SPTB: variants seen among roughly 807,000 people sequenced by gnomAD.
SPTB encodes the protein spectrin beta chain, erythrocytic.
A neutral mutation model predicts 256.2 loss-of-function variants in SPTB; 45 were observed. The observed-to-expected ratio is 0.18, with a 90% CI of 0.14 to 0.23. The LOEUF (loss-of-function observed/expected upper bound fraction) is 0.23, where lower values mean the gene tolerates loss of function less well. Ranked by LOEUF, SPTB falls within the 10% of genes least tolerant of loss-of-function variation. SPTB has a pLI of 1.00. For missense variants in SPTB, 2,715 were observed against 3,040.4 expected (o/e 0.89, Z 2.52); for synonymous variants, 1,231 against 1,243.1 (o/e 0.99, Z 0.21).
intron 20 of SPTB, 124 bp from the exon 21 acceptor site, chr14:64,780,055 G>A: frequency 2.4e-6 from 2 of 827,374 alleles, no homozygotes; most frequent in Non-Finnish European, 4.1e-6. Flanking sequence ...CCTCCAAGGA[G>A]TCTCCTTGGA....
chr14:64,749,384 A>C lies in SPTB; in HGVS notation c.6909T>G (p.Pro2303=). 6.2e-7 allele frequency: 1 copy of C among 1,609,902 alleles called. No individual in the cohort carries two copies. Among genetic ancestry groups the C allele is most frequent in the Non-Finnish European group, 8.5e-7 (1 of 1,179,756 alleles). ...GGCTGGCGTCGGGGCCGGAGAGGGA[A>C]GGCAGGGGCAGGCTCTGCGCCTTGA... ...IRVKAQSLPL[P]SLSGPDASLG... is the part of the protein sequence containing the mutation. The change falls in exon 36 of 36, where the codon CCT becomes CCG. Residue 2303 remains proline (P), a synonymous_variant. Transcript: ENST00000644917. This position sits in a 1 kb window ranked among gnomAD's most constrained non-coding sequence, Gnocchi z 4.7.
intron 1 of SPTB, among the ~76,000 whole-genome samples, chr14:64,839,231 G>T (rs573668527): frequency 6.6e-6 from 1 of 152,220 alleles, no homozygotes; most frequent in African/African-American, 2.4e-5. Flanking sequence ...CTTACAAAAC[G>T]GACTACTACT....
At chr14:64,839,333 G>T (rs1014227300) in intron 1 of SPTB, among the ~76,000 whole-genome samples, 1 of 152,164 alleles carries the variant, frequency 6.6e-6, no homozygotes, top group East Asian at 1.9e-4. Flanking sequence ...TCAACAGGCT[G>T]CTCACTGTCT....
In SPTB at chr14:64,775,388, T is replaced by G; in HGVS notation, c.4579A>C (p.Ile1527Leu). The G allele has an allele frequency of 6.2e-7, 1 of 1,612,374 alleles. No homozygotes were observed. Residue 1527 changes from isoleucine (I) to leucine (L), a missense_variant, in exon 23 of 36, where the codon ATT (isoleucine) becomes CTT (leucine). Ile to Leu is a conservative substitution (Grantham distance 5). Coordinates refer to ENST00000644917, the MANE Select transcript of SPTB (RefSeq NM_001355436.2). The surrounding 1 kb of genome is among the most constrained non-coding windows in gnomAD (Gnocchi z 5.0). ...TCAACCCGCGGCGTATGGCCCAGAA[T>G]CTCATTCTGCAGTGTCTGCGGCCAG... ...MKKNQTLQNEILGHTPRVEDV... is the reference protein window; with the variant it reads ...MKKNQTLQNELLGHTPRVEDV...
chr14:64,812,944 C>G lies in SPTB; in HGVS notation c.149-7854G>C, dbSNP rs143091623. ...AATAGAAAATAGCAACTTAAATAAT[C>G]AAAAACAAGGGATGATTTAATATTT... On this transcript the variant is annotated intron_variant, in intron 2 of 35. Transcript: ENST00000644917. Among the ~76,000 whole-genome samples the G allele has an allele frequency of 4.7e-4, 71 of 152,156 alleles. No individual in the cohort carries two copies. The East Asian group carries it at 0.013, about 28-fold the overall frequency.
intron 1 of SPTB, among the ~76,000 whole-genome samples, chr14:64,832,115 T>C (rs549281146): frequency 6.6e-6 from 1 of 152,128 alleles, no homozygotes; most frequent in Non-Finnish European, 1.5e-5. Flanking sequence ...GAGATAAACA[T>C]AGATACAGTG....
chr14:64,808,423 C>T (rs2083025758), intron 2 of SPTB, among the ~76,000 whole-genome samples: 2 of 152,116 alleles, frequency 1.3e-5, no homozygotes, highest in South Asian at 4.1e-4. Flanking sequence ...CAGCTCTGAC[C>T]CAGAATTATT....
rs199738112 is a variant in SPTB, at chr14:64,803,799, C to T, written c.301-19G>A. On this transcript the variant is annotated intron_variant, in intron 3 of 35. Transcript: ENST00000644917. ...GCTTTGGCTGGGGGACAGCAGTGGC[C>T]CCCGTGGGCATGGAGGGACTGCACA... The T allele has an allele frequency of 4.0e-5, 63 of 1,593,834 alleles. No homozygotes were observed. In the East Asian group the frequency reaches 6.4e-4, roughly 16 times the overall value.
At chr14:64,872,427 C>T (rs1037717521) in intron 1 of SPTB, among the ~76,000 whole-genome samples, 3 of 152,154 alleles carry the variant, frequency 2.0e-5, no homozygotes, top group African/African-American at 4.8e-5. Context: ...TCCTTAGGGC[C>T]GCCAGAAAGA....
At chr14:64,767,587 C>A in intron 30 of SPTB, 76 bp downstream of exon 30, 2 of 1,571,056 alleles carry the variant, frequency 1.3e-6, no homozygotes, top group South Asian at 1.1e-5. Context: ...TAACAACTGG[C>A]CTGGAGTCCT....
At chr14:64,794,441 A>T (rs1360520493) in intron 13 of SPTB, 26 bp downstream of exon 13, 1 of 1,614,016 alleles carries the variant, frequency 6.2e-7, no homozygotes, top group Admixed American at 1.7e-5. Context: ...TGGAAGCCTC[A>T]AAAGGGGAGA....
At chr14:64,829,498 A>G (rs554519630) in intron 1 of SPTB, among the ~76,000 whole-genome samples, 2 of 152,292 alleles carry the variant, frequency 1.3e-5, no homozygotes, top group East Asian at 1.9e-4. Flanking sequence ...GAATTAGTCA[A>G]TTGTGTTAGA....
intron 1 of SPTB, among the ~76,000 whole-genome samples, chr14:64,872,574 T>G (rs923459366): frequency 6.6e-6 from 1 of 152,226 alleles, no homozygotes; most frequent in Non-Finnish European, 1.5e-5. Flanking sequence ...GCACTGTGGT[T>G]AGCTCTCCCC....
At position 64,852,382 on chromosome 14, in the gene SPTB, G is replaced by A. The variant is rs1594844026; in HGVS notation, c.-52+27410C>T. 6.6e-6 allele frequency among the ~76,000 whole-genome samples: 1 copy of A among 152,200 alleles called. No homozygotes were observed. Among genetic ancestry groups the A allele is most frequent in the South Asian group, 2.1e-4 (1 of 4,830 alleles). ...AGAGATAAGGCTGGGGGCCAGACAAGGGGAACCTGAGCAGTGGGGAGTCAG... is the reference window on the plus strand; with the variant it reads ...AGAGATAAGGCTGGGGGCCAGACAAAGGGAACCTGAGCAGTGGGGAGTCAG... On this transcript the variant is annotated intron_variant, in intron 1 of 35. Transcript: ENST00000644917. The surrounding 1 kb of genome is among the most constrained non-coding windows in gnomAD (Gnocchi z 4.2).
Position 64,829,819 on chromosome 14 carries a change from T to C in SPTB, c.-51-6674A>G, listed in dbSNP as rs114710884. 6.0e-3 allele frequency among the ~76,000 whole-genome samples: 911 copies of C among 152,278 alleles called. 6 individuals are homozygous for C. Among genetic ancestry groups the C allele is most frequent in the African/African-American group, 0.021 (870 of 41,536 alleles). Reference sequence around the variant, plus strand: ...TAGAATAAAAGTCAACCCCTTCCCATGGTCCTAAGGCCCTTCCCATTTTCT... The same window carrying C: ...TAGAATAAAAGTCAACCCCTTCCCACGGTCCTAAGGCCCTTCCCATTTTCT... On this transcript the variant is annotated intron_variant, in intron 1 of 35. Transcript: ENST00000644917.
In SPTB at chr14:64,827,476, T is replaced by G. The variant is rs2083392312; in HGVS notation, c.-51-4331A>C. Among the ~76,000 whole-genome samples the G allele has an allele frequency of 6.6e-6, 1 of 152,202 alleles. No homozygotes were observed. Among genetic ancestry groups the G allele is most frequent in the African/African-American group, 2.4e-5 (1 of 41,442 alleles). The stretch of plus-strand genomic sequence containing the variant: ...TTTTCTAGTTTGTCCTGCCCCTTTA[T>G]GCTACCTCAAACCTGCTTTTAACAA... On this transcript the variant is annotated intron_variant, in intron 1 of 35. Transcript: ENST00000644917. The surrounding 1 kb of genome is among the most constrained non-coding windows in gnomAD (Gnocchi z 4.6).
Position 64,778,266 on chromosome 14 carries a change from C to T in SPTB, c.4563+891G>A, listed in dbSNP as rs958408500. Among the ~76,000 whole-genome samples, 2 of 152,206 alleles carry T rather than the reference C, an allele frequency of 1.3e-5. No homozygotes were observed. Among genetic ancestry groups the T allele is most frequent in the African/African-American group, 4.8e-5 (2 of 41,454 alleles). ...CTCACATGGTCCTGTGAGCAGATGT[C>T]AGCTGCTGCCAAGCTGGGGGAAGGG... On this transcript the variant is annotated intron_variant, in intron 22 of 35. Coordinates refer to ENST00000644917, the MANE Select transcript of SPTB (RefSeq NM_001355436.2). This position sits in a 1 kb window ranked among gnomAD's most constrained non-coding sequence, Gnocchi z 5.2.
rs545824675 is a variant in SPTB at position 64,869,262 on chromosome 14, A to G, written c.-52+10530T>C. Among the ~76,000 whole-genome samples the G allele has an allele frequency of 2.1e-3, 322 of 152,284 alleles. 2 individuals carry two copies. The highest frequency in any genetic ancestry group is 7.4e-3 in the African/African-American group (309 of 41,542). ...TAGTGCTTACCACATAACTTTCTCA[A>G]TAAATGTTGACTTACTGTTATAATA... is the stretch of plus-strand genomic sequence containing the variant. On this transcript the variant is annotated intron_variant, in intron 1 of 35. Transcript: ENST00000644917.
At chr14:64,801,239 T>C (rs749242921) in intron 7 of SPTB, 46 bp downstream of exon 7, 1 of 1,505,688 alleles carries the variant, frequency 6.6e-7, no homozygotes, top group Admixed American at 1.7e-5. Flanking sequence ...AGCGAGTGCA[T>C]CCCCCACTGC....
Sources: gnomAD v4.1 joint callset for allele counts (sites outside exome capture counted in the v4.1 genomes callset) on GRCh38, gnomAD v4.1.1 for gene constraint, Gnocchi (gnomAD v3.1) non-coding constraint, MANE v1.5 for transcripts, NCBI Gene and HGNC (gene_info 2026-07-23, HGNC 2026-07-21) for gene names.